PHLDB3: variants seen among roughly 807,000 people sequenced by gnomAD.
PHLDB3 encodes pleckstrin homology-like domain family B member 3.
In PHLDB3, 86 loss-of-function variants were observed where a neutral mutation model predicts 85.7. That is an observed-to-expected ratio of 1.00 (90% confidence interval 0.84 to 1.20). The LOEUF (loss-of-function observed/expected upper bound fraction) is 1.20. PHLDB3 is among the 50% of genes most tolerant of loss of function. The probability of loss-of-function intolerance (pLI) is 0.00; values close to 1 mark genes in which losing one functional copy is unlikely to be tolerated. For missense variants in PHLDB3, 995 were observed against 873.0 expected (o/e 1.14, Z -1.76); for synonymous variants, 376 against 349.8 (o/e 1.07, Z -0.83).
At chr19:43,495,431 A>T in intron 7 of PHLDB3, 64 bp downstream of exon 7, 1 of 1,600,234 alleles carries the variant, frequency 6.2e-7, no homozygotes, top group South Asian at 1.1e-5. Flanking sequence ...GGGTGCAGGG[A>T]GGTGGTGGGA....
chr19:43,492,794 A>AAATCAGTAAG (rs1234942566), intron 9 of PHLDB3, among the ~76,000 whole-genome samples: 5 of 152,172 alleles, frequency 3.3e-5, no homozygotes, highest in African/African-American at 1.2e-4. Context: ...TTGCAAAGAC[A>AAATCAGTAAG]AATCAGTAAG....
At chr19:43,483,128 T>C (rs1351353976) in intron 13 of PHLDB3, among the ~76,000 whole-genome samples, 1 of 151,874 alleles carries the variant, frequency 6.6e-6, no homozygotes, top group Non-Finnish European at 1.5e-5. Context: ...AACAAAAAGG[T>C]TGGGAAGGAT....
intron 12 of PHLDB3, 141 bp from the exon 13 acceptor site, chr19:43,486,463 G>T (rs1208581952): frequency 1.6e-6 from 2 of 1,254,250 alleles, no homozygotes; most frequent in Non-Finnish European, 1.1e-6. Flanking sequence ...GATGGGCTGG[G>T]GGCCTGGACT....
Position 43,497,784 on chromosome 19 carries a change from C to G in PHLDB3, c.627G>C (p.Glu209Asp). ...KAQGQLDSQP[E>D]DQRERLLQGV... ...CCTGCAGAAGCCGCTCGCGTTGGTC[C>G]TCTGGCTGTGAGTCGAGCTGTCCCT... Residue 209 changes from glutamate to aspartate, a missense_variant, in exon 5 of 16, where the codon GAG (glutamate) becomes GAC (aspartate). Transcript: ENST00000292140. 6.4e-7 allele frequency: 1 copy of G among 1,555,170 alleles called. No individual in the cohort carries two copies. Among genetic ancestry groups the G allele is most frequent in the Non-Finnish European group, 8.7e-7 (1 of 1,149,050 alleles).
At chr19:43,477,862 C>T (rs1429934299) in intron 15 of PHLDB3, among the ~76,000 whole-genome samples, 185 bp downstream of exon 15, 2 of 151,866 alleles carry the variant, frequency 1.3e-5, no homozygotes, top group East Asian at 1.9e-4. Flanking sequence ...AGTCTGGGCT[C>T]TTAATTTTTA....
chr19:43,498,478 C>A (rs540995630), intron 4 of PHLDB3, among the ~76,000 whole-genome samples: 2 of 150,042 alleles, frequency 1.3e-5, no homozygotes, highest in East Asian at 2.0e-4. Context: ...GAAAGAGAAA[C>A]AAAAAGGAAG....
intron 4 of PHLDB3, among the ~76,000 whole-genome samples, chr19:43,499,423 G>A (rs1032891714): frequency 7.2e-5 from 11 of 151,874 alleles, no homozygotes; most frequent in Admixed American, 3.3e-4. Flanking sequence ...GGGAGGAGGA[G>A]CTGGGGGTCT....
intron 13 of PHLDB3, among the ~76,000 whole-genome samples, chr19:43,480,479 C>T (rs997437153): frequency 6.6e-6 from 1 of 151,852 alleles, no homozygotes; most frequent in African/African-American, 2.4e-5. Flanking sequence ...GTAGTTCCAG[C>T]TACTAAGGAG....
At position 43,478,061 on chromosome 19, in the gene PHLDB3, G is replaced by GT. The variant is rs771339543; in HGVS notation, c.1773dup (p.Arg592ThrfsTer44). 6 of 1,612,858 alleles carry GT rather than the reference G, an allele frequency of 3.7e-6. No homozygotes were observed. The Admixed American group carries it at 6.7e-5, about 18-fold the overall frequency. ...AGGGGCTTCACCTTGAAGGCACAGC[G>GT]TAAGTGGTCATAATAGACTTCCTCA... On this transcript the variant is annotated frameshift_variant, in exon 15 of 16. Transcript: ENST00000292140. LOFTEE classifies it high-confidence loss of function.
chr19:43,493,572 C>T (rs1971372213), intron 9 of PHLDB3, among the ~76,000 whole-genome samples: 1 of 150,532 alleles, frequency 6.6e-6, no homozygotes, highest in Non-Finnish European at 1.5e-5. Flanking sequence ...GTTGAGGCTG[C>T]AGTGAGCTGT....
intron 6 of PHLDB3, chr19:43,496,910 T>G: frequency 2.6e-6 from 2 of 755,484 alleles, no homozygotes; most frequent in Non-Finnish European, 3.6e-6. Flanking sequence ...CCTCATAAGT[T>G]TGTTGTAAGG....
chr19:43,501,834 G>A lies in PHLDB3; in HGVS notation c.434C>T (p.Ala145Val). Residue 145 changes from alanine (A) to valine (V), a missense_variant, in exon 4 of 16, where the codon GCT becomes GTT. Transcript: ENST00000292140. ...VEVALLRGELAGERVAARREE... is the reference protein window; with the variant it reads ...VEVALLRGELVGERVAARREE... ...CCGGCGAGCGGCCACTCGCTCCCCA[G>A]CCAGCTCACCCCGCAGCAAGGCCAC... 1 of 1,591,808 alleles carries A rather than the reference G, an allele frequency of 6.3e-7. No individual in the cohort carries two copies.
intron 15 of PHLDB3, among the ~76,000 whole-genome samples, chr19:43,477,258 C>T (rs1391867210): frequency 6.6e-6 from 1 of 151,996 alleles, no homozygotes; most frequent in Non-Finnish European, 1.5e-5. Context: ...CGGTGGCTCA[C>T]GCCTGTAATC....
Position 43,486,890 on chromosome 19 carries a change from G to T in PHLDB3, c.1250-20C>A, listed in dbSNP as rs1447610211. 1 of 1,528,688 alleles carries T rather than the reference G, an allele frequency of 6.5e-7. No individual in the cohort carries two copies. The highest frequency in any genetic ancestry group is 1.3e-5 in the South Asian group (1 of 77,484). The allele number at this position is 1,528,688 out of a possible 1,614,324, so 94.7% of individuals were successfully genotyped here. ...GGGATTCTAGGGTAGAGGGGACCAG[G>T]TTACAGGGCTGGATACACCCTGGCC... On this transcript the variant is annotated intron_variant, in intron 10 of 15. Transcript: ENST00000292140.
chr19:43,495,277 C>A lies in PHLDB3; in HGVS notation c.1014G>T (p.Glu338Asp). 1 of 1,613,816 alleles carries A rather than the reference C, an allele frequency of 6.2e-7. No homozygotes were observed. Among genetic ancestry groups the A allele is most frequent in the Non-Finnish European group, 8.5e-7 (1 of 1,179,816 alleles). The change falls in exon 8 of 16, where the codon GAG (glutamate) becomes GAT (aspartate). Residue 338 changes from glutamate (E) to aspartate (D), a missense_variant. Coordinates refer to ENST00000292140, the MANE Select transcript of PHLDB3 (RefSeq NM_198850.4). The stretch of plus-strand genomic sequence containing the variant: ...ATACCTTAGTGAGGGCCGGGTTGGG[C>A]TCAGAGAAGTCCCCGCCAGGTGTTC... ...LQGTPGGDFS[E>D]PNPALTKLLF...
At chr19:43,476,973 T>A (rs199689938) in intron 15 of PHLDB3, among the ~76,000 whole-genome samples, 455 of 140,380 alleles carry the variant, frequency 3.2e-3, no homozygotes, top group Middle Eastern at 7.5e-3. Flanking sequence ...ATTTAAAAAA[T>A]AAAAAAAAAA....
At chr19:43,501,638 A>G (rs1241355869) in intron 4 of PHLDB3, 96 bp downstream of exon 4, 3 of 1,517,580 alleles carry the variant, frequency 2.0e-6, no homozygotes, top group Non-Finnish European at 2.6e-6. Context: ...CCTTTGGGGA[A>G]TGGGGACAAC....
chr19:43,483,560 T>C (rs1005352754), intron 13 of PHLDB3, among the ~76,000 whole-genome samples: 7 of 152,186 alleles, frequency 4.6e-5, no homozygotes, highest in African/African-American at 1.7e-4. Context: ...ATTATAGGCG[T>C]GAGCTATGGT....
chr19:43,478,186 G>A (rs3746004), intron 14 of PHLDB3, 54 bp from the exon 15 acceptor site: 125,205 of 1,417,200 alleles, frequency 0.088, 7,382 homozygotes, highest in East Asian at 0.31. Context: ...GTGTCTGTGT[G>A]TGTCGAGGTG....
Sources: allele counts gnomAD v4.1 joint callset (sites outside exome capture counted in the v4.1 genomes callset), GRCh38; gene constraint gnomAD v4.1.1; transcripts MANE v1.5; gene names NCBI Gene and HGNC (gene_info 2026-07-23, HGNC 2026-07-21).